ASIC2: variants seen among roughly 807,000 people sequenced by gnomAD.
ASIC2 encodes acid sensing ion channel subunit 2.
In ASIC2, 25 loss-of-function variants were observed where a neutral mutation model predicts 57.3. The observed-to-expected ratio is 0.44, with a 90% CI of 0.32 to 0.61. The LOEUF is 0.61. ASIC2 is among the 20% of genes least tolerant of loss of function. The pLI is 0.06. For synonymous variants in ASIC2, 319 were observed against 307.5 expected, an observed-to-expected ratio of 1.04 and a Z score of -0.39; for missense variants, 641 against 738.1, an observed-to-expected ratio of 0.87 and a Z score of 1.52.
chr17:33,825,024 C>CT (rs2141895701), intron 1 of ASIC2, among the ~76,000 whole-genome samples: 1 of 152,318 alleles, frequency 6.6e-6, no homozygotes, highest in African/African-American at 2.4e-5. Context: ...CTCTCCCCGT[C>CT]TCGCTCTCTA....
At chr17:33,404,254 T>C (rs1453604666) in intron 1 of ASIC2, among the ~76,000 whole-genome samples, 1 of 152,216 alleles carries the variant, frequency 6.6e-6, no homozygotes, top group Non-Finnish European at 1.5e-5. Context: ...TAATTGATTA[T>C]GGTGATGATT....
chr17:33,088,994 A>C lies in ASIC2; in HGVS notation c.860-4T>G. 1.9e-6 allele frequency: 3 copies of C among 1,614,014 alleles called. No individual in the cohort carries two copies. The highest frequency in any genetic ancestry group is 2.5e-6 in the Non-Finnish European group (3 of 1,179,906). ...CCTGCTTCAAATGTCGTTTCCTCTGAAAGAACAAAGATGGACAGAGCCACG... is the reference window on the plus strand; with the variant it reads ...CCTGCTTCAAATGTCGTTTCCTCTGCAAGAACAAAGATGGACAGAGCCACG... On this transcript the variant is annotated splice_polypyrimidine_tract_variant and splice_region_variant and intron_variant, in intron 2 of 9. Coordinates refer to ENST00000225823, the MANE Select transcript of ASIC2 (RefSeq NM_183377.2).
At chr17:33,747,909 A>G (rs2201040) in intron 1 of ASIC2, among the ~76,000 whole-genome samples, 105,085 of 152,118 alleles carry the variant, frequency 0.69, 36,339 homozygotes, top group East Asian at 0.72. Context: ...AAGTCACTTT[A>G]GTTTTAGTGA....
chr17:33,824,121 C>G (rs557898245), intron 1 of ASIC2, among the ~76,000 whole-genome samples: 1 of 152,138 alleles, frequency 6.6e-6, no homozygotes, highest in South Asian at 2.1e-4. Flanking sequence ...GGGAGAGGAG[C>G]AATGGGGATG....
rs146269545 is a variant in ASIC2 at position 33,227,325 on chromosome 17, C to T, written c.708+64083G>A. 2.6e-3 allele frequency among the ~76,000 whole-genome samples: 397 copies of T among 152,304 alleles called. 1 individual carries two copies. Among genetic ancestry groups the T allele is most frequent in the African/African-American group, 9.1e-3 (379 of 41,580 alleles). On this transcript the variant is annotated intron_variant, in intron 1 of 9. Coordinates refer to ENST00000225823, the MANE Select transcript of ASIC2 (RefSeq NM_183377.2). ...TCCATGTGGCCACCCTGGTATGCCA[C>T]CTCTTCTTGTCCCTGGCATATGGAG...
intron 1 of ASIC2, among the ~76,000 whole-genome samples, chr17:34,146,028 G>C (rs905405142): frequency 1.2e-4 from 19 of 152,234 alleles, no homozygotes; most frequent in African/African-American, 4.6e-4. Context: ...GCTAGAATGT[G>C]AGCAGCTGAG....
At chr17:33,214,732 A>G (rs959933816) in intron 1 of ASIC2, among the ~76,000 whole-genome samples, 2 of 152,280 alleles carry the variant, frequency 1.3e-5, no homozygotes, top group Non-Finnish European at 2.9e-5. Flanking sequence ...CAGGGACCTA[A>G]GGGGTCACCT....
intron 1 of ASIC2, chr17:34,039,931 G>A (rs556578291): frequency 4.1e-6 from 6 of 1,452,750 alleles, no homozygotes; most frequent in African/African-American, 1.4e-5. Context: ...ACCCCGACCC[G>A]ACCCGGCTGC....
At chr17:33,334,030 G>A (rs1406514894) in intron 1 of ASIC2, among the ~76,000 whole-genome samples, 2 of 152,224 alleles carry the variant, frequency 1.3e-5, no homozygotes, top group African/African-American at 2.4e-5. Flanking sequence ...CCCTCAGGAA[G>A]GGACTGGACA....
At chr17:33,757,974 C>G (rs367924760) in intron 1 of ASIC2, among the ~76,000 whole-genome samples, 2 of 152,152 alleles carry the variant, frequency 1.3e-5, no homozygotes, top group Non-Finnish European at 2.9e-5. Context: ...ATTAACTTGT[C>G]GAATCCTCCC....
intron 1 of ASIC2, among the ~76,000 whole-genome samples, chr17:33,381,859 A>G (rs1909500858): frequency 6.6e-6 from 1 of 152,214 alleles, no homozygotes; most frequent in South Asian, 2.1e-4. Flanking sequence ...TCCTTTGCAG[A>G]AATATAAACT....
intron 1 of ASIC2, among the ~76,000 whole-genome samples, chr17:33,443,007 TG>T (rs1415245235): frequency 6.6e-6 from 1 of 152,240 alleles, no homozygotes; most frequent in Non-Finnish European, 1.5e-5. Flanking sequence ...TTTTATGAAA[TG>T]TTTTTTTCTG....
intron 1 of ASIC2, among the ~76,000 whole-genome samples, chr17:34,104,894 T>C (rs1262026723): frequency 6.6e-6 from 1 of 152,046 alleles, no homozygotes; most frequent in Admixed American, 6.5e-5. Flanking sequence ...ATGAAGAATA[T>C]TTTCTTCCCT....
intron 3 of ASIC2, among the ~76,000 whole-genome samples, chr17:33,042,672 G>A (rs1462763650): frequency 6.6e-6 from 1 of 152,178 alleles, no homozygotes; most frequent in Non-Finnish European, 1.5e-5. Flanking sequence ...ACAGTAGGTG[G>A]CCTAGCTGGG....
intron 1 of ASIC2, among the ~76,000 whole-genome samples, chr17:33,415,004 T>C (rs1329539315): frequency 6.6e-6 from 1 of 152,194 alleles, no homozygotes; most frequent in Admixed American, 6.5e-5. Flanking sequence ...ACTGTGGTAT[T>C]CAGATGTGCA....
At chr17:33,504,675 T>C (rs1356656578) in intron 1 of ASIC2, among the ~76,000 whole-genome samples, 1 of 152,192 alleles carries the variant, frequency 6.6e-6, no homozygotes, top group Non-Finnish European at 1.5e-5. Flanking sequence ...AATGTACTTG[T>C]TGCCGCATAC....
intron 1 of ASIC2, among the ~76,000 whole-genome samples, chr17:33,156,886 T>C (rs1567766709): frequency 6.6e-6 from 1 of 152,186 alleles, no homozygotes; most frequent in Non-Finnish European, 1.5e-5. Context: ...AAAAGCTGTC[T>C]GGGTGATTCT....
chr17:33,636,211 G>A (rs1479591787), intron 1 of ASIC2, among the ~76,000 whole-genome samples: 1 of 152,148 alleles, frequency 6.6e-6, no homozygotes, highest in African/African-American at 2.4e-5. Context: ...ACAGGGAAAG[G>A]TGTCAAAATA....
At chr17:33,582,074 C>T (rs1325417011) in intron 1 of ASIC2, among the ~76,000 whole-genome samples, 1 of 152,186 alleles carries the variant, frequency 6.6e-6, no homozygotes, top group African/African-American at 2.4e-5. Context: ...TTCCTGAAGA[C>T]AGCTTGAACT....
Sources: gnomAD v4.1 joint callset for allele counts (sites outside exome capture counted in the v4.1 genomes callset) on GRCh38, gnomAD v4.1.1 for gene constraint, MANE v1.5 for transcripts, NCBI Gene and HGNC (gene_info 2026-07-23, HGNC 2026-07-21) for gene names.